Variants in GRIA4 observed in about 807,000 individuals in gnomAD.
GRIA4 encodes glutamate ionotropic receptor AMPA type subunit 4.
A neutral mutation model predicts 104.0 loss-of-function variants in GRIA4; 34 were observed. The observed-to-expected ratio is 0.33, with a 90% CI of 0.25 to 0.44. The LOEUF is 0.44. GRIA4 is among the 20% of genes least tolerant of loss of function. The pLI, the probability that GRIA4 is intolerant of heterozygous loss-of-function variation, is 1.00. For missense variants in GRIA4, 750 were observed against 1,096.5 expected, an observed-to-expected ratio of 0.68 and a Z score of 4.46; for synonymous variants, 386 against 381.9, an observed-to-expected ratio of 1.01 and a Z score of -0.13.
At chr11:105,739,204 T>C (rs1939156892) in intron 3 of GRIA4, among the ~76,000 whole-genome samples, 1 of 152,180 alleles carries the variant, frequency 6.6e-6, no homozygotes, top group South Asian at 2.1e-4. Context: ...TATTCCTTTG[T>C]AGGCCTTGGA....
chr11:105,737,191 G>T (rs948473044), intron 3 of GRIA4, among the ~76,000 whole-genome samples: 2 of 152,032 alleles, frequency 1.3e-5, no homozygotes, highest in Admixed American at 6.6e-5. Flanking sequence ...TGGAGTAGTT[G>T]ATTATTTCTG....
intron 3 of GRIA4, among the ~76,000 whole-genome samples, chr11:105,696,027 C>A (rs1180284664): frequency 6.6e-6 from 1 of 152,194 alleles, no homozygotes; most frequent in African/African-American, 2.4e-5. Flanking sequence ...CATTTCAGTT[C>A]TTCTGAAGAA....
intron 4 of GRIA4, among the ~76,000 whole-genome samples, chr11:105,757,649 T>C (rs374254927): frequency 2.6e-5 from 4 of 152,076 alleles, no homozygotes; most frequent in African/African-American, 9.7e-5. Context: ...CTGGGTCAGT[T>C]TCGTTGTCAT....
chr11:105,703,548 A>T (rs1953582570), intron 3 of GRIA4, among the ~76,000 whole-genome samples: 1 of 152,194 alleles, frequency 6.6e-6, no homozygotes, highest in African/African-American at 2.4e-5. Flanking sequence ...CTCTTATTAC[A>T]ACTATGTTAA....
intron 3 of GRIA4, among the ~76,000 whole-genome samples, chr11:105,711,930 C>A (rs1252884328): frequency 6.6e-6 from 1 of 152,074 alleles, no homozygotes; most frequent in Non-Finnish European, 1.5e-5. Flanking sequence ...ACAACACTTA[C>A]TTTGTGAGAA....
intron 4 of GRIA4, among the ~76,000 whole-genome samples, chr11:105,827,062 T>C (rs1943797454): frequency 6.6e-6 from 1 of 152,030 alleles, no homozygotes; most frequent in Non-Finnish European, 1.5e-5. Flanking sequence ...ATCCAGAAAG[T>C]CCTACCACTC....
chr11:105,770,779 C>A (rs1250134102), intron 4 of GRIA4, among the ~76,000 whole-genome samples: 4 of 151,984 alleles, frequency 2.6e-5, no homozygotes, highest in Non-Finnish European at 5.9e-5. Context: ...CTTTCTCTAC[C>A]CTTTTAATTC....
intron 3 of GRIA4, among the ~76,000 whole-genome samples, chr11:105,702,370 C>A (rs937847711): frequency 2.0e-5 from 3 of 151,856 alleles, no homozygotes; most frequent in Admixed American, 2.0e-4. Flanking sequence ...TACTAGAAAA[C>A]ACAATGGTAA....
chr11:105,974,632 G>A (rs1383108946), intron 16 of GRIA4, 188 bp downstream of exon 16: 5 of 1,403,866 alleles, frequency 3.6e-6, no homozygotes, highest in African/African-American at 1.4e-5. Context: ...TCTGTCCAGT[G>A]GTGGTATTGC....
chr11:105,656,782 A>G (rs2135399474), intron 3 of GRIA4, among the ~76,000 whole-genome samples: 1 of 152,240 alleles, frequency 6.6e-6, no homozygotes, highest in East Asian at 1.9e-4. Flanking sequence ...TTTCTTTAAG[A>G]AACAATATCA....
chr11:105,713,502 G>A (rs1341902603), intron 3 of GRIA4, among the ~76,000 whole-genome samples: 1 of 152,096 alleles, frequency 6.6e-6, no homozygotes, highest in Admixed American at 6.6e-5. Context: ...ATCTTTTCCA[G>A]ATTTTTCTTT....
At chr11:105,897,870 C>T (rs928884106) in intron 6 of GRIA4, among the ~76,000 whole-genome samples, 6 of 152,084 alleles carry the variant, frequency 3.9e-5, no homozygotes, top group Middle Eastern at 3.4e-3. Context: ...TTGTAGTTTT[C>T]GTTTTTATTG....
At chr11:105,812,197 G>C (rs1943199959) in intron 4 of GRIA4, among the ~76,000 whole-genome samples, 1 of 152,122 alleles carries the variant, frequency 6.6e-6, no homozygotes, top group Non-Finnish European at 1.5e-5. Flanking sequence ...GCATTCCTTT[G>C]TTTTCTCTGC....
intron 3 of GRIA4, among the ~76,000 whole-genome samples, chr11:105,693,595 A>G (rs1385392189): frequency 6.6e-6 from 1 of 152,144 alleles, no homozygotes; most frequent in African/African-American, 2.4e-5. Context: ...TTAGCATGTT[A>G]TTACCCTCTT....
At chr11:105,809,525 C>T (rs1197133859) in intron 4 of GRIA4, among the ~76,000 whole-genome samples, 4 of 152,230 alleles carry the variant, frequency 2.6e-5, no homozygotes, top group Middle Eastern at 3.4e-3. Flanking sequence ...GTAATCCCCA[C>T]GTGTTGAGGG....
At chr11:105,756,618 A>G (rs571239250) in intron 4 of GRIA4, among the ~76,000 whole-genome samples, 2 of 147,614 alleles carry the variant, frequency 1.4e-5, no homozygotes, top group East Asian at 4.0e-4. Context: ...CTGTTTTAAT[A>G]ACTCAGAAAA....
intron 3 of GRIA4, among the ~76,000 whole-genome samples, chr11:105,641,875 A>G (rs1951370845): frequency 6.6e-6 from 1 of 152,210 alleles, no homozygotes; most frequent in Non-Finnish European, 1.5e-5. Flanking sequence ...ATAACAAAGT[A>G]GCACAGACTG....
chr11:105,750,300 C>A (rs1939925003), intron 3 of GRIA4, among the ~76,000 whole-genome samples: 3 of 152,190 alleles, frequency 2.0e-5, no homozygotes, highest in South Asian at 4.1e-4. Flanking sequence ...AACCCAATAA[C>A]CCTCACTTGC....
intron 4 of GRIA4, among the ~76,000 whole-genome samples, chr11:105,781,786 T>C (rs1182384193): frequency 1.3e-5 from 2 of 152,158 alleles, no homozygotes; most frequent in Non-Finnish European, 2.9e-5. Context: ...GAGGAAATTA[T>C]ACCCAGATGG....
Sources: allele counts gnomAD v4.1 joint callset (sites outside exome capture counted in the v4.1 genomes callset), GRCh38; gene constraint gnomAD v4.1.1; transcripts MANE v1.5; gene names NCBI Gene and HGNC (gene_info 2026-07-23, HGNC 2026-07-21).